Variants in ETV6 observed in about 807,000 individuals in gnomAD.
ETV6 encodes ETS variant transcription factor 6.
In ETV6, 16 loss-of-function variants were observed where a neutral mutation model predicts 51.1. The ratio of observed to expected loss-of-function variants is 0.31; its 90% CI spans 0.21 to 0.48. The LOEUF (loss-of-function observed/expected upper bound fraction) is 0.48, where lower values mean the gene tolerates loss of function less well. Among genes scored for constraint, ETV6 ranks in the 20% least tolerant of loss-of-function variants. The pLI is 0.99. For missense variants in ETV6, 458 were observed against 594.8 expected (o/e 0.77, Z 2.39); for synonymous variants, 240 against 224.1 (o/e 1.07, Z -0.64).
intron 5 of ETV6, among the ~76,000 whole-genome samples, chr12:11,883,225 A>G (rs538649810): frequency 4.0e-5 from 6 of 148,468 alleles, no homozygotes; most frequent in Non-Finnish European, 8.9e-5. Context: ...CCTTCACAGC[A>G]CACATCCAGA....
intron 5 of ETV6, 50 bp downstream of exon 5, chr12:11,870,019 G>A (rs1565560464): frequency 6.5e-7 from 1 of 1,549,672 alleles, no homozygotes; most frequent in Non-Finnish European, 8.7e-7. Context: ...ACCTGACAAA[G>A]TCCCACTCTC....
Position 11,787,251 on chromosome 12 carries a change from T to C in ETV6, c.163+34672T>C, listed in dbSNP as rs117031046. Among the ~76,000 whole-genome samples, 422 of 152,338 alleles carry C rather than the reference T, an allele frequency of 2.8e-3. 2 individuals carry two copies. The highest frequency in any genetic ancestry group is 4.6e-3 in the Non-Finnish European group (315 of 68,040). On this transcript the variant is annotated intron_variant, in intron 2 of 7. Coordinates refer to ENST00000396373, the MANE Select transcript of ETV6 (RefSeq NM_001987.5). ...AGAATCTTTCAAAATGTCATAGCTTTGTTGTCTAATACATAATGGCCACTC... is the reference window on the plus strand; with the variant it reads ...AGAATCTTTCAAAATGTCATAGCTTCGTTGTCTAATACATAATGGCCACTC...
chr12:11,841,660 T>A (rs1946392130), intron 3 of ETV6, among the ~76,000 whole-genome samples: 1 of 152,184 alleles, frequency 6.6e-6, no homozygotes, highest in South Asian at 2.1e-4. Flanking sequence ...AGGTACAGGC[T>A]AAGGGAGTTC....
chr12:11,793,667 A>G (rs764221237), intron 2 of ETV6, among the ~76,000 whole-genome samples: 1 of 152,132 alleles, frequency 6.6e-6, no homozygotes, highest in Non-Finnish European at 1.5e-5. Flanking sequence ...CTCTTAGTAT[A>G]TGTGCTCTGT....
chr12:11,693,291 G>A (rs538746447), intron 1 of ETV6, among the ~76,000 whole-genome samples: 8 of 152,154 alleles, frequency 5.3e-5, no homozygotes, highest in South Asian at 4.1e-4. Context: ...AACATGCAGC[G>A]TATGCAGTTC....
chr12:11,890,847 G>T, intron 7 of ETV6, 94 bp from the exon 8 acceptor site: 1 of 937,622 alleles, frequency 1.1e-6, no homozygotes, highest in Non-Finnish European at 1.7e-6. Context: ...TGTATAAGAT[G>T]ATGGAGTCTT....
chr12:11,806,546 C>T (rs1945831808), intron 2 of ETV6, among the ~76,000 whole-genome samples: 1 of 152,144 alleles, frequency 6.6e-6, no homozygotes. Flanking sequence ...GAGGTAAATG[C>T]ATTGATGATG....
chr12:11,853,397 T>C, intron 3 of ETV6, 30 bp from the exon 4 acceptor site: 1 of 1,613,570 alleles, frequency 6.2e-7, no homozygotes, highest in East Asian at 2.2e-5. Context: ...TCTTTCCATT[T>C]CTCGATTTCC....
intron 1 of ETV6, among the ~76,000 whole-genome samples, chr12:11,662,539 T>G (rs1224820650): frequency 6.6e-6 from 1 of 152,232 alleles, no homozygotes; most frequent in Non-Finnish European, 1.5e-5. Flanking sequence ...AGTTGGTCTG[T>G]GTACATTTTC....
chr12:11,847,585 G>A (rs1946484201), intron 3 of ETV6, among the ~76,000 whole-genome samples: 1 of 152,220 alleles, frequency 6.6e-6, no homozygotes, highest in Non-Finnish European at 1.5e-5. Flanking sequence ...TCTAAGAGAA[G>A]GGAAGTAGAG....
In ETV6 at chr12:11,894,879, G is replaced by C. The variant is rs1947369383; in HGVS notation, c.*3833G>C. 4.3e-6 allele frequency: 1 copy of C among 233,492 alleles called. No individual in the cohort carries two copies. The highest frequency in any genetic ancestry group is 5.6e-5 in the Admixed American group (1 of 17,778). The allele number at this position is 233,492 out of a possible 1,614,324, so 14.5% of individuals were successfully genotyped here. A position where few individuals can be genotyped will look rare whatever the true frequency, so the allele number is the denominator to read the frequency against. On this transcript the variant is annotated 3_prime_UTR_variant, in exon 8 of 8. Transcript: ENST00000396373. ...CCAGGAAACTGAAGATAAAAGATTT[G>C]GGAAAACACACCAAGAAAAAGGGGC...
chr12:11,690,415 CT>C (rs2120790196), intron 1 of ETV6, among the ~76,000 whole-genome samples: 1 of 152,120 alleles, frequency 6.6e-6, no homozygotes, highest in Non-Finnish European at 1.5e-5. Flanking sequence ...ATAATCTTTA[CT>C]TCAAAACACA....
chr12:11,846,186 C>G (rs1253307421), intron 3 of ETV6, among the ~76,000 whole-genome samples: 1 of 149,514 alleles, frequency 6.7e-6, no homozygotes, highest in Non-Finnish European at 1.5e-5. Flanking sequence ...AACATTCTGA[C>G]ATATCTAAAA....
At chr12:11,776,764 G>A (rs1945331875) in intron 2 of ETV6, among the ~76,000 whole-genome samples, 1 of 152,156 alleles carries the variant, frequency 6.6e-6, no homozygotes, top group Non-Finnish European at 1.5e-5. Context: ...TAAAGGACCT[G>A]AAAACACTTT....
rs768745810 is a variant in ETV6, at chr12:11,890,971, T to C, written c.1284T>C (p.Ser428=). 4.0e-5 allele frequency: 64 copies of C among 1,613,712 alleles called. No homozygotes were observed. In the Admixed American group the frequency reaches 1.1e-3, roughly 27 times the overall value. Residue 428 remains serine (S), a synonymous_variant, in exon 8 of 8, where the codon AGT becomes AGC. Transcript: ENST00000396373. ...RFMKTPDEIM[S]GRTDRLEHLE... is the part of the protein sequence containing the mutation. ...TGAAAACCCCAGATGAAATCATGAGTGGCCGAACAGACCGTCTGGAGCACC... is the reference window on the plus strand; with the variant it reads ...TGAAAACCCCAGATGAAATCATGAGCGGCCGAACAGACCGTCTGGAGCACC...
chr12:11,735,579 C>G, intron 1 of ETV6, among the ~76,000 whole-genome samples: 1 of 152,138 alleles, frequency 6.6e-6, no homozygotes, highest in Non-Finnish European at 1.5e-5. Flanking sequence ...TGGCTTGTCA[C>G]TTACGATGAT....
At chr12:11,685,508 CA>C (rs1864611886) in intron 1 of ETV6, among the ~76,000 whole-genome samples, 1 of 151,934 alleles carries the variant, frequency 6.6e-6, no homozygotes, top group African/African-American at 2.4e-5. Context: ...ATAAAAGTGA[CA>C]ACTTTTTTTT....
At position 11,696,517 on chromosome 12, in the gene ETV6, T is replaced by G. The variant is rs924286043; in HGVS notation, c.33+46357T>G. ...AATAACCCACCTGGCCCATAGTAAA[T>G]GCTCAATAAATAGGTTCCCAGCCAG... On this transcript the variant is annotated intron_variant, in intron 1 of 7. Transcript: ENST00000396373. Among the ~76,000 whole-genome samples the G allele has an allele frequency of 6.6e-5, 10 of 152,290 alleles. No homozygotes were observed. The East Asian group carries it at 1.9e-3, about 29-fold the overall frequency.
Position 11,830,925 on chromosome 12 carries a change from G to T in ETV6, c.164-8215G>T, listed in dbSNP as rs559790313. 1.6e-4 allele frequency among the ~76,000 whole-genome samples: 24 copies of T among 152,316 alleles called. No individual in the cohort carries two copies. In the South Asian group the frequency reaches 5.0e-3, roughly 32 times the overall value. ...GGTGAGAATAAAAACATGATTTTAG[G>T]ATTGGGGAAGGGAAATGAGAGACAA... On this transcript the variant is annotated intron_variant, in intron 2 of 7. Coordinates refer to ENST00000396373, the MANE Select transcript of ETV6 (RefSeq NM_001987.5).
Sources: allele counts gnomAD v4.1 joint callset (sites outside exome capture counted in the v4.1 genomes callset), GRCh38; gene constraint gnomAD v4.1.1; transcripts MANE v1.5; gene names NCBI Gene and HGNC (gene_info 2026-07-23, HGNC 2026-07-21).